Variants in PPP2R1B observed in about 807,000 individuals in gnomAD.
PPP2R1B encodes serine/threonine-protein phosphatase 2A 65 kDa regulatory subunit A beta isoform.
PPP2R1B carries 58 observed loss-of-function variants against 72.7 expected under a neutral mutation model. The ratio of observed to expected loss-of-function variants is 0.80; its 90% CI spans 0.65 to 0.99. PPP2R1B has a LOEUF of 0.99. PPP2R1B is among the 50% of genes least tolerant of loss of function. The pLI is 0.00. For missense variants in PPP2R1B, 695 were observed against 733.6 expected (o/e 0.95, Z 0.61); for synonymous variants, 256 against 264.6 (o/e 0.97, Z 0.32).
At chr11:111,727,156 G>T in intron 15 of PPP2R1B, 3 of 919,814 alleles carry the variant, frequency 3.3e-6, no homozygotes, top group Non-Finnish European at 5.3e-6. Context: ...CGCCACCTCT[G>T]CCTGCACTGC....
downstream of PPP2R1B, chr11:111,723,550 T>TA: frequency 6.2e-7 from 1 of 1,614,212 alleles, no homozygotes; most frequent in Non-Finnish European, 8.5e-7. Flanking sequence ...AGGCCTATTT[T>TA]AATCAGATGC....
chr11:111,766,179 C>T, intron 1 of PPP2R1B, 69 bp downstream of exon 1: 1 of 1,511,266 alleles, frequency 6.6e-7, no homozygotes, highest in Non-Finnish European at 9.2e-7. Context: ...CACCGCGACG[C>T]AGGCCTTCCC....
chr11:111,708,490 C>T, the PPP2R1B span, among the ~76,000 whole-genome samples: 3 of 152,122 alleles, frequency 2.0e-5, no homozygotes, highest in African/African-American at 7.2e-5. Context: ...GTATAACATG[C>T]AGGAAGTATT....
chr11:111,715,670 G>T, the PPP2R1B span, among the ~76,000 whole-genome samples: 1 of 152,082 alleles, frequency 6.6e-6, no homozygotes, highest in Non-Finnish European at 1.5e-5. Context: ...ATCCACAGAT[G>T]ACATGGGGGC....
At chr11:111,705,073 A>G in the PPP2R1B span, 4 of 1,608,584 alleles carry the variant, frequency 2.5e-6, no homozygotes. This position sits in a 1 kb window ranked among gnomAD's most constrained non-coding sequence, Gnocchi z 4.3. Flanking sequence ...GCAGTTTCCC[A>G]GTGGAGCAGA....
At chr11:111,754,857 C>A in intron 7 of PPP2R1B, 123 bp downstream of exon 7, 3 of 906,876 alleles carry the variant, frequency 3.3e-6, no homozygotes, top group South Asian at 3.9e-5. Context: ...CATTTCCACA[C>A]ACTAAAAACA....
At chr11:111,733,990 C>T (rs1324290228), downstream of PPP2R1B, among the ~76,000 whole-genome samples, 1 of 152,226 alleles carries the variant, frequency 6.6e-6, no homozygotes, top group African/African-American at 2.4e-5. Flanking sequence ...GCCTCGGCCC[C>T]TGGCGCCCTC....
At chr11:111,755,916 G>A (rs1945096942) in intron 5 of PPP2R1B, among the ~76,000 whole-genome samples, 1 of 152,048 alleles carries the variant, frequency 6.6e-6, no homozygotes, top group African/African-American at 2.4e-5. Context: ...TATCTTGAAA[G>A]AGCTGCTCCC....
At chr11:111,709,765 A>G in the PPP2R1B span, among the ~76,000 whole-genome samples, 1 of 152,222 alleles carries the variant, frequency 6.6e-6, no homozygotes, top group Non-Finnish European at 1.5e-5. Flanking sequence ...TTTCCTAGGA[A>G]GTGATTGTCA....
the PPP2R1B span, among the ~76,000 whole-genome samples, chr11:111,717,604 AGGAATG>A: frequency 6.6e-6 from 1 of 152,212 alleles, no homozygotes; most frequent in Non-Finnish European, 1.5e-5. Flanking sequence ...ATATACCCAA[AGGAATG>A]TAAATCATTC....
rs1555052451 is a variant in PPP2R1B at position 111,764,735 on chromosome 11, A to G, written c.306+70T>C. 5 of 1,479,366 alleles carry G rather than the reference A, an allele frequency of 3.4e-6. No individual in the cohort carries two copies. The Admixed American group carries it at 7.2e-5, about 21-fold the overall frequency. The allele number at this position is 1,479,366 out of a possible 1,614,324, so 91.6% of individuals were successfully genotyped here. On this transcript the variant is annotated intron_variant, in intron 3 of 14. Coordinates refer to ENST00000527614, the MANE Select transcript of PPP2R1B (RefSeq NM_002716.5). Reference sequence around the variant, plus strand: ...GCATAAAAAATGCTGCAGTGTGTCTATCACCAAACAATGTATCATTTATAC... The same window carrying G: ...GCATAAAAAATGCTGCAGTGTGTCTGTCACCAAACAATGTATCATTTATAC...
the PPP2R1B span, among the ~76,000 whole-genome samples, chr11:111,694,566 G>A: frequency 6.6e-6 from 1 of 152,072 alleles, no homozygotes; most frequent in Non-Finnish European, 1.5e-5. Context: ...AAAAGGGTAG[G>A]AGAGGCAAAG....
the PPP2R1B span, chr11:111,712,406 G>T: frequency 8.4e-5 from 134 of 1,592,888 alleles, 2 homozygotes; most frequent in South Asian, 1.4e-3. Context: ...CTCAGAACTG[G>T]CAGTTTGGCG....
chr11:111,704,574 C>T, the PPP2R1B span, among the ~76,000 whole-genome samples: 2 of 152,186 alleles, frequency 1.3e-5, no homozygotes, highest in African/African-American at 4.8e-5. Context: ...TCAGAGTTTT[C>T]AGTGGTTCAG....
At chr11:111,723,617 G>A (rs1439783498), downstream of PPP2R1B, 6 of 1,613,928 alleles carry the variant, frequency 3.7e-6, no homozygotes, top group Non-Finnish European at 5.1e-6. Flanking sequence ...TCCCCGCCAG[G>A]AGACTCCACC....
At chr11:111,744,198 T>C (rs1050372348) in intron 11 of PPP2R1B, among the ~76,000 whole-genome samples, 2 of 152,118 alleles carry the variant, frequency 1.3e-5, no homozygotes, top group Non-Finnish European at 2.9e-5. Context: ...AGTGATGGGT[T>C]TTTAAAGCAA....
At chr11:111,705,158 A>C in the PPP2R1B span, 1 of 1,546,692 alleles carries the variant, frequency 6.5e-7, no homozygotes, top group Non-Finnish European at 8.6e-7. The surrounding 1 kb of genome is among the most constrained non-coding windows in gnomAD (Gnocchi z 4.3). Context: ...CCCTTAGCTG[A>C]GAGTCTTATC....
intron 11 of PPP2R1B, among the ~76,000 whole-genome samples, 186 bp downstream of exon 11, chr11:111,747,768 C>T (rs994413147): frequency 6.6e-6 from 1 of 151,934 alleles, no homozygotes; most frequent in Non-Finnish European, 1.5e-5. Context: ...AAAATAAAAT[C>T]GAAGATACAA....
intron 11 of PPP2R1B, among the ~76,000 whole-genome samples, chr11:111,744,753 A>G (rs1944645545): frequency 6.6e-6 from 1 of 152,178 alleles, no homozygotes; most frequent in African/African-American, 2.4e-5. Flanking sequence ...TCCAACCAAG[A>G]AATAGGCAAC....
Sources: gnomAD v4.1 joint callset for allele counts (sites outside exome capture counted in the v4.1 genomes callset) on GRCh38, gnomAD v4.1.1 for gene constraint, Gnocchi (gnomAD v3.1) non-coding constraint, MANE v1.5 for transcripts, NCBI Gene and HGNC (gene_info 2026-07-23, HGNC 2026-07-21) for gene names.